The following BCR variants were observed in gnomAD, a reference collection of about 807,000 sequenced individuals.
BCR encodes the protein BCR activator of RhoGEF and GTPase.
Under a neutral mutation model 138.6 loss-of-function variants are expected in BCR, and 58 were observed. The observed-to-expected ratio is 0.42, with a 90% confidence interval of 0.34 to 0.52. BCR has a LOEUF of 0.52. Ranked by LOEUF, BCR falls within the 20% of genes least tolerant of loss-of-function variation. The pLI, the probability that BCR is intolerant of heterozygous loss-of-function variation, is 0.06. For missense variants in BCR, 1,599 were observed against 1,727.2 expected (o/e 0.93, Z 1.32); for synonymous variants, 786 against 730.1 (o/e 1.08, Z -1.23).
At chr22:23,263,714 C>T (rs1392974405) in intron 4 of BCR, 15 of 1,396,064 alleles carry the variant, frequency 1.1e-5, no homozygotes, top group Non-Finnish European at 1.5e-5. Context: ...AAGTACTGGG[C>T]TCATGAACAG....
intron 1 of BCR, among the ~76,000 whole-genome samples, chr22:23,210,310 G>A (rs1295819780): frequency 6.6e-6 from 1 of 151,910 alleles, no homozygotes; most frequent in Non-Finnish European, 1.5e-5. Flanking sequence ...CTGGCCGCTT[G>A]AGAAACTGAG....
At chr22:23,265,588 C>T (rs1443636109) in intron 4 of BCR, among the ~76,000 whole-genome samples, 1 of 152,250 alleles carries the variant, frequency 6.6e-6, no homozygotes, top group African/African-American at 2.4e-5. Context: ...CTTCCCTGCT[C>T]TGGGTTGTGG....
intron 1 of BCR, among the ~76,000 whole-genome samples, chr22:23,234,054 G>C (rs1034699144): frequency 1.3e-5 from 2 of 152,048 alleles, no homozygotes; most frequent in African/African-American, 4.8e-5. Context: ...GTCCTCTGGG[G>C]GTGTCATTAA....
In BCR at chr22:23,181,007, C is replaced by T. The variant is rs765207801; in HGVS notation, c.47C>T (p.Pro16Leu). ...GFAEAWKAQF[P>L]DSEPPRMELR... ...GCGGAGGCGTGGAAGGCGCAGTTCC[C>T]GGACTCAGAGCCCCCGCGCATGGAG... is the stretch of plus-strand genomic sequence containing the variant. The change falls in exon 1 of 23, where the codon CCG becomes CTG. Residue 16 changes from proline to leucine, a missense_variant. Transcript: ENST00000305877. 1.4e-6 allele frequency: 2 copies of T among 1,481,124 alleles called. No individual in the cohort carries two copies. Among genetic ancestry groups the T allele is most frequent in the Non-Finnish European group, 1.8e-6 (2 of 1,105,396 alleles). 91.7% of individuals were successfully genotyped at this position (1,481,124 alleles called of 1,614,324 possible).
chr22:23,289,846 C>T, intron 13 of BCR: 1 of 577,540 alleles, frequency 1.7e-6, no homozygotes, highest in South Asian at 2.1e-5. Flanking sequence ...TGAGGAGATG[C>T]ACGGCTTCTG....
chr22:23,187,898 G>A (rs1270806782), intron 1 of BCR, among the ~76,000 whole-genome samples: 1 of 152,206 alleles, frequency 6.6e-6, no homozygotes, highest in East Asian at 1.9e-4. Flanking sequence ...TGGACTTCAT[G>A]TGAGTGGCTG....
At chr22:23,229,041 T>C in intron 1 of BCR, among the ~76,000 whole-genome samples, 1 of 152,198 alleles carries the variant, frequency 6.6e-6, no homozygotes, top group East Asian at 1.9e-4. Flanking sequence ...TGAGGTTTTA[T>C]TCCATTTTTC....
rs191000154 is a variant in BCR, at chr22:23,312,874, G to T, written c.3323-13G>T. 7 of 1,596,092 alleles carry T rather than the reference G, an allele frequency of 4.4e-6. No homozygotes were observed. In the South Asian group the frequency reaches 6.6e-5, roughly 15 times the overall value. On this transcript the variant is annotated splice_polypyrimidine_tract_variant and intron_variant, in intron 19 of 22. Transcript: ENST00000305877. ...TCCTCAAGGAGGCCGCTGCATTTCCGTGCTCTTTCCAGATAACAAGGACGT... is the reference window on the plus strand; with the variant it reads ...TCCTCAAGGAGGCCGCTGCATTTCCTTGCTCTTTCCAGATAACAAGGACGT...
chr22:23,241,656 C>T (rs2073093539), intron 1 of BCR, among the ~76,000 whole-genome samples: 1 of 152,166 alleles, frequency 6.6e-6, no homozygotes, highest in African/African-American at 2.4e-5. Context: ...CTCTGCTCTT[C>T]CTCCTTTTGC....
At chr22:23,274,313 C>T (rs2073546122) in intron 8 of BCR, among the ~76,000 whole-genome samples, 2 of 152,238 alleles carry the variant, frequency 1.3e-5, no homozygotes, top group African/African-American at 4.8e-5. Context: ...CCCCCCGTCA[C>T]TGATGTACTC....
intron 8 of BCR, among the ~76,000 whole-genome samples, chr22:23,278,454 T>C (rs2073604674): frequency 1.3e-5 from 2 of 152,124 alleles, no homozygotes; most frequent in South Asian, 2.1e-4. Context: ...AGGCTGGGCA[T>C]GGTGGCTCAC....
chr22:23,194,403 T>A (rs1240824280), intron 1 of BCR, among the ~76,000 whole-genome samples: 1 of 133,152 alleles, frequency 7.5e-6, no homozygotes, highest in African/African-American at 2.8e-5. Flanking sequence ...TTTTTTTTTC[T>A]TTTTTTTTTT....
chr22:23,268,544 G>T, intron 5 of BCR, 29 bp downstream of exon 5: 2 of 1,579,570 alleles, frequency 1.3e-6, no homozygotes, highest in South Asian at 2.2e-5. Flanking sequence ...TCAGACAGGT[G>T]CACCGCTGAC....
At chr22:23,290,435 A>G (rs765414963) in intron 14 of BCR, 22 bp downstream of exon 14, 1 of 1,610,130 alleles carries the variant, frequency 6.2e-7, no homozygotes, top group Admixed American at 1.7e-5. Flanking sequence ...TTTGGGGAGG[A>G]GGGTTGCAGC....
At chr22:23,269,014 G>A (rs1391858655) in intron 5 of BCR, among the ~76,000 whole-genome samples, 2 of 152,360 alleles carry the variant, frequency 1.3e-5, no homozygotes, top group East Asian at 3.9e-4. Flanking sequence ...AAAGCGACAG[G>A]TTGGAGCTGC....
At chr22:23,250,345 T>C (rs995918918) in intron 1 of BCR, among the ~76,000 whole-genome samples, 1 of 152,234 alleles carries the variant, frequency 6.6e-6, no homozygotes, top group Non-Finnish European at 1.5e-5. Flanking sequence ...GCAAAACCGT[T>C]GGTTAAAAGC....
At chr22:23,249,621 G>A (rs2073200534) in intron 1 of BCR, among the ~76,000 whole-genome samples, 1 of 151,900 alleles carries the variant, frequency 6.6e-6, no homozygotes, top group Non-Finnish European at 1.5e-5. Context: ...GGTGCTTTGT[G>A]TACTTAGGGG....
chr22:23,216,754 C>T (rs924802326), intron 1 of BCR, among the ~76,000 whole-genome samples: 2 of 152,222 alleles, frequency 1.3e-5, no homozygotes, highest in African/African-American at 2.4e-5. Flanking sequence ...GTGGCCTAAC[C>T]GTTGTAGCTA....
intron 16 of BCR, among the ~76,000 whole-genome samples, chr22:23,297,530 C>T (rs2073860047): frequency 6.6e-6 from 1 of 152,118 alleles, no homozygotes; most frequent in South Asian, 2.1e-4. Context: ...GTGCTCCCAT[C>T]GCTCCCACTT....
Sources: allele counts gnomAD v4.1 joint callset (sites outside exome capture counted in the v4.1 genomes callset), GRCh38; gene constraint gnomAD v4.1.1; transcripts MANE v1.5; gene names NCBI Gene and HGNC (gene_info 2026-07-23, HGNC 2026-07-21).